The following CLBA1 variants were observed in gnomAD, a reference collection of about 807,000 sequenced individuals.
The protein encoded by CLBA1 is clathrin binding box of aftiphilin containing 1.
In CLBA1, 30 loss-of-function variants were observed where a neutral mutation model predicts 28.8. The observed-to-expected ratio is 1.04, with a 90% confidence interval of 0.78 to 1.41. The LOEUF is 1.41. CLBA1 is among the 40% of genes most tolerant of loss of function. CLBA1 has a pLI of 0.00. For synonymous variants in CLBA1, 160 were observed against 152.8 expected, an observed-to-expected ratio of 1.05 and a Z score of -0.35; for missense variants, 451 against 412.3, an observed-to-expected ratio of 1.09 and a Z score of -0.81.
chr14:104,989,429 AG>A (rs1899956925), intron 2 of CLBA1: 2 of 395,890 alleles, frequency 5.1e-6, no homozygotes, highest in South Asian at 3.8e-5. Context: ...CAGTGGGCAC[AG>A]GGGCCTTCTG....
In CLBA1 at chr14:104,986,329, C is replaced by T. The variant is rs976702158; in HGVS notation, c.-103C>T. On this transcript the variant is annotated 5_prime_UTR_variant, in exon 1 of 5. Coordinates refer to ENST00000547315, the MANE Select transcript of CLBA1 (RefSeq NM_174891.4). The stretch of plus-strand genomic sequence containing the variant: ...CTCCTGCAGCGTCCCCTGGCCCTCT[C>T]CAGGGCAGGGGAAGGTTGGGCAGTC... 13 of 1,280,634 alleles carry T rather than the reference C, an allele frequency of 1.0e-5. No homozygotes were observed. The highest frequency in any genetic ancestry group is 1.4e-5 in the Non-Finnish European group (13 of 939,040). 79.3% of individuals were successfully genotyped at this position (1,280,634 alleles called of 1,614,324 possible). A position where few individuals can be genotyped will look rare whatever the true frequency, so the allele number is the denominator to read the frequency against.
chr14:104,993,087 C>T, intron 4 of CLBA1, 23 bp downstream of exon 4: 1 of 1,604,216 alleles, frequency 6.2e-7, no homozygotes, highest in East Asian at 2.2e-5. Flanking sequence ...CAAGGAGAGG[C>T]CTCAGGGAAC....
chr14:104,988,157 G>A (rs919327979), intron 1 of CLBA1, among the ~76,000 whole-genome samples: 125 of 151,980 alleles, frequency 8.2e-4, no homozygotes, highest in Non-Finnish European at 2.2e-4. Flanking sequence ...CATGAGACTC[G>A]CACACGTACA....
intron 1 of CLBA1, among the ~76,000 whole-genome samples, chr14:104,988,424 C>G (rs185965139): frequency 6.6e-6 from 1 of 152,044 alleles, no homozygotes; most frequent in Non-Finnish European, 1.5e-5. Flanking sequence ...CTTCTGCCCC[C>G]CACCCGCCGG....
chr14:105,000,071 C>T (rs1026622026), downstream of CLBA1, among the ~76,000 whole-genome samples: 1 of 152,178 alleles, frequency 6.6e-6, no homozygotes, highest in Non-Finnish European at 1.5e-5. Flanking sequence ...GAGACAACTT[C>T]GAATAACACA....
In CLBA1 at chr14:104,986,531, G is replaced by C; in HGVS notation, c.100G>C (p.Asp34His). The C allele has an allele frequency of 6.2e-7, 1 of 1,613,922 alleles. No individual in the cohort carries two copies. The highest frequency in any genetic ancestry group is 8.5e-7 in the Non-Finnish European group (1 of 1,180,012). The change falls in exon 1 of 5, where the codon GAC becomes CAC. Residue 34 changes from aspartate to histidine, a missense_variant. Physicochemically the swap from Asp to His is moderately conservative, Grantham distance 81. Transcript: ENST00000547315. ...LRVAPERLSD[D>H]SLEWRRTCPD... ...AGTGGCACCTGAGAGGCTGAGTGAT[G>C]ACAGTTTGGAATGGAGACGGACCTG...
intron 1 of CLBA1, 64 bp downstream of exon 1, chr14:104,986,918 C>T: frequency 6.5e-7 from 1 of 1,543,540 alleles, no homozygotes; most frequent in South Asian, 1.2e-5. Context: ...AGGCCTACAG[C>T]CCTCGAATGC....
chr14:104,993,478 A>G, intron 4 of CLBA1: 16 of 985,406 alleles, frequency 1.6e-5, no homozygotes, highest in South Asian at 4.7e-5. Context: ...TGGCGGCTTC[A>G]GTCACGGGCC....
intron 1 of CLBA1, among the ~76,000 whole-genome samples, chr14:104,987,393 C>G (rs1899894117): frequency 6.6e-6 from 1 of 152,186 alleles, no homozygotes; most frequent in Non-Finnish European, 1.5e-5. Flanking sequence ...GCCCCCTGCT[C>G]TCTTTCAGAG....
At position 104,986,603 on chromosome 14, in the gene CLBA1, C is replaced by A; in HGVS notation, c.172C>A (p.Arg58Ser). ...TGGGAAAGCCAGCATCTCCATGCCC[C>A]GTGAGGGCGGTTCCACCTGCACTGC... ...SDGKASISMP[R>S]EGGSTCTARC... Residue 58 changes from arginine to serine, a missense_variant, in exon 1 of 5, where the codon CGT becomes AGT. Transcript: ENST00000547315. 1 of 1,614,112 alleles carries A rather than the reference C, an allele frequency of 6.2e-7. No individual in the cohort carries two copies. Among genetic ancestry groups the A allele is most frequent in the South Asian group, 1.1e-5 (1 of 91,086 alleles).
chr14:104,989,547 A>C, intron 2 of CLBA1: 1 of 455,372 alleles, frequency 2.2e-6, no homozygotes, highest in Non-Finnish European at 4.4e-6. Flanking sequence ...GCCCAGCCCC[A>C]GGGGTGCTCC....
At chr14:104,996,973 T>C (rs775597828), downstream of CLBA1, among the ~76,000 whole-genome samples, 1 of 152,192 alleles carries the variant, frequency 6.6e-6, no homozygotes, top group Non-Finnish European at 1.5e-5. Context: ...TGTTCTTTTA[T>C]ATGAACTGTC....
downstream of CLBA1, chr14:104,999,317 G>C: frequency 1.8e-5 from 16 of 873,386 alleles, no homozygotes; most frequent in Non-Finnish European, 2.2e-5. Context: ...GCAGATAACT[G>C]AGCCGTCAGC....
At chr14:104,996,164 C>G (rs1471982900), downstream of CLBA1, among the ~76,000 whole-genome samples, 2 of 152,080 alleles carry the variant, frequency 1.3e-5, no homozygotes, top group Non-Finnish European at 2.9e-5. Flanking sequence ...AGCCTTTCTT[C>G]TGACTTCCCT....
At position 104,986,504 on chromosome 14, in the gene CLBA1, C is replaced by A. The variant is rs755756120; in HGVS notation, c.73C>A (p.Arg25=). The A allele has an allele frequency of 1.9e-6, 3 of 1,613,766 alleles. No homozygotes were observed. In the East Asian group the frequency reaches 6.7e-5, roughly 36 times the overall value. The change falls in exon 1 of 5, where the codon CGA becomes AGA. Residue 25 remains arginine (R), a synonymous_variant. Coordinates refer to ENST00000547315, the MANE Select transcript of CLBA1 (RefSeq NM_174891.4). ...LQEEAASASL[R]VAPERLSDDS... ...GGAGGAAGCAGCCAGCGCTTCCCTC[C>A]GAGTGGCACCTGAGAGGCTGAGTGA...
At position 104,985,889 on chromosome 14, in the gene CLBA1, G is replaced by GGCCCGGGCCCGGGCCCAGGACACGCGGA; in HGVS notation, c.-542_-541insCCCGGGCCCGGGCCCAGGACACGCGGAG. 1 of 225,368 alleles carries GGCCCGGGCCCGGGCCCAGGACACGCGGA rather than the reference G, an allele frequency of 4.4e-6. No individual in the cohort carries two copies. The highest frequency in any genetic ancestry group is 9.4e-6 in the Non-Finnish European group (1 of 106,394). 14.0% of individuals were successfully genotyped at this position (225,368 alleles called of 1,614,324 possible). ...GAGGCGGCGACCAAGGTGGGTGCGGGGACTCTCGGGAGCCGTGGGCCAGGC... is the reference window on the plus strand; with the variant it reads ...GAGGCGGCGACCAAGGTGGGTGCGGGGCCCGGGCCCGGGCCCAGGACACGCGGAGACTCTCGGGAGCCGTGGGCCAGGC... On this transcript the variant is annotated 5_prime_UTR_variant, in exon 1 of 5. Transcript: ENST00000547315.
downstream of CLBA1, among the ~76,000 whole-genome samples, chr14:105,000,280 TTC>T (rs1393662669): frequency 2.0e-5 from 3 of 149,424 alleles, no homozygotes; most frequent in African/African-American, 7.7e-5. Context: ...CATTTTTTCT[TTC>T]TTTCTTTCTT....
chr14:104,988,193 A>G (rs1595441879), intron 1 of CLBA1, among the ~76,000 whole-genome samples: 2 of 152,082 alleles, frequency 1.3e-5, no homozygotes, highest in Admixed American at 6.6e-5. Context: ...TAGTGCCCCA[A>G]TGTAGCACAC....
rs1430515428 is a variant in CLBA1 at position 104,994,646 on chromosome 14, C to T, written c.865C>T (p.Arg289Cys). The T allele has an allele frequency of 9.3e-6, 15 of 1,613,550 alleles. No homozygotes were observed. The highest frequency in any genetic ancestry group is 2.2e-5 in the East Asian group (1 of 44,890). Reference protein sequence around the residue: ...SKQGRLMTCSRFLKTPSCGGG... With the variant: ...SKQGRLMTCSCFLKTPSCGGG... ...ACAGGGGAGGCTGATGACATGCAGC[C>T]GCTTCCTGAAGACCCCCTCATGCGG... The change falls in exon 5 of 5, where the codon CGC becomes TGC. Residue 289 changes from arginine (R) to cysteine (C), a missense_variant. Physicochemically the swap from Arg to Cys is radical, Grantham distance 180. Coordinates refer to ENST00000547315, the MANE Select transcript of CLBA1 (RefSeq NM_174891.4).
Sources: allele counts gnomAD v4.1 joint callset (sites outside exome capture counted in the v4.1 genomes callset), GRCh38; gene constraint gnomAD v4.1.1; transcripts MANE v1.5; gene names NCBI Gene and HGNC (gene_info 2026-07-23, HGNC 2026-07-21).